The following LIPE variants were observed in gnomAD, a reference collection of about 807,000 sequenced individuals.
LIPE encodes the protein lipase E, hormone sensitive type, also known as hormone-sensitive lipase.
Under a neutral mutation model 88.5 loss-of-function variants are expected in LIPE, and 66 were observed. The ratio of observed to expected loss-of-function variants is 0.75; its 90% CI spans 0.61 to 0.91. The LOEUF (loss-of-function observed/expected upper bound fraction) is 0.91. LIPE is among the 40% of genes least tolerant of loss of function. The pLI, the probability that LIPE is intolerant of heterozygous loss-of-function variation, is 0.00. For missense variants in LIPE, 1,346 were observed against 1,434.7 expected (o/e 0.94, Z 1.00); for synonymous variants, 570 against 617.5 (o/e 0.92, Z 1.14).
intron 1 of LIPE, among the ~76,000 whole-genome samples, chr19:42,411,098 C>T (rs2040363550): frequency 6.6e-6 from 1 of 152,162 alleles, no homozygotes; most frequent in Non-Finnish European, 1.5e-5. Flanking sequence ...AGTTTGGGCC[C>T]TCAGCTCCCT....
intron 8 of LIPE, among the ~76,000 whole-genome samples, chr19:42,404,237 ATTT>A (rs752058205): frequency 3.0e-5 from 3 of 98,430 alleles, no homozygotes; most frequent in African/African-American, 7.8e-5. Flanking sequence ...TACTTTTTGT[ATTT>A]TTTTTTTTTT....
intron 1 of LIPE, among the ~76,000 whole-genome samples, chr19:42,416,421 A>T (rs1189946632): frequency 6.6e-6 from 1 of 152,210 alleles, no homozygotes; most frequent in Non-Finnish European, 1.5e-5. Flanking sequence ...TCTAGCTAAG[A>T]TCATTGATGA....
At chr19:42,405,631 A>G in intron 7 of LIPE, 70 bp from the exon 8 acceptor site, 1 of 1,471,272 alleles carries the variant, frequency 6.8e-7, no homozygotes, top group South Asian at 1.2e-5. Flanking sequence ...CCAGAACTTC[A>G]GGCATCTGTG....
At chr19:42,417,200 G>A (rs988161878) in intron 1 of LIPE, among the ~76,000 whole-genome samples, 2 of 152,162 alleles carry the variant, frequency 1.3e-5, no homozygotes, top group African/African-American at 4.8e-5. Context: ...GATTACAGGC[G>A]TGAGCCACTG....
Position 42,401,827 on chromosome 19 carries a change from G to T in LIPE, c.3216C>A (p.Cys1072Ter). ...ETGAAGVDGGCGGRH is the reference protein window; with the variant it reads ...ETGAAGVDGG ...CAACAGGCTTTTAGTGTCGCCCCCC[G>T]CAGCCCCCGTCTACCCCCGCAGCCC... is the stretch of plus-strand genomic sequence containing the variant. Residue 1072 changes from cysteine (C) to a stop codon, truncating the protein, a stop_gained, in exon 10 of 10, where the codon TGC becomes TGA. Transcript: ENST00000244289. LOFTEE classifies it high-confidence loss of function. 1.6e-5 allele frequency: 5 copies of T among 314,852 alleles called. No individual in the cohort carries two copies. Among genetic ancestry groups the T allele is most frequent in the East Asian group, 1.2e-4 (1 of 8,542 alleles). 19.5% of individuals were successfully genotyped at this position (314,852 alleles called of 1,614,324 possible).
rs778942752 is a variant in LIPE, at chr19:42,408,374, A to G, written c.1420-52T>C. Reference sequence around the variant, plus strand: ...CACCGCTCAAGAGAGGGATGGGGACAGGGCAGGAGCGAGGCACAGGGATGT... The same window carrying G: ...CACCGCTCAAGAGAGGGATGGGGACGGGGCAGGAGCGAGGCACAGGGATGT... On this transcript the variant is annotated intron_variant, in intron 2 of 9. Coordinates refer to ENST00000244289, the MANE Select transcript of LIPE (RefSeq NM_005357.4). The surrounding 1 kb of genome is among the most constrained non-coding windows in gnomAD (Gnocchi z 4.3). 6 of 1,456,856 alleles carry G rather than the reference A, an allele frequency of 4.1e-6. No homozygotes were observed. The highest frequency in any genetic ancestry group is 4.8e-6 in the Non-Finnish European group (5 of 1,037,884). The allele number at this position is 1,456,856 out of a possible 1,614,324, so 90.2% of individuals were successfully genotyped here.
chr19:42,426,354 A>C lies in LIPE; in HGVS notation c.796T>G (p.Ser266Ala). 3.1e-6 allele frequency: 5 copies of C among 1,613,288 alleles called. No individual in the cohort carries two copies. The South Asian group carries it at 5.5e-5, about 18-fold the overall frequency. Residue 266 changes from serine to alanine, a missense_variant, in exon 1 of 10, where the codon TCT (serine) becomes GCT (alanine). Coordinates refer to ENST00000244289, the MANE Select transcript of LIPE (RefSeq NM_005357.4). ...QGVKLGFKGK[S>A]GYKVMSGYSG... ...TATCCTGACATCACTTTATAACCAGATTTTCCTTTGAAGCCTAGCTTCACT... is the reference window on the plus strand; with the variant it reads ...TATCCTGACATCACTTTATAACCAGCTTTTCCTTTGAAGCCTAGCTTCACT...
At chr19:42,425,680 T>TG (rs2040694013) in intron 1 of LIPE, among the ~76,000 whole-genome samples, 1 of 152,054 alleles carries the variant, frequency 6.6e-6, no homozygotes, top group Admixed American at 6.6e-5. Context: ...GGCATGGTGG[T>TG]GCACTTGTAG....
chr19:42,402,469 C>A (rs751736066), intron 9 of LIPE, 138 bp downstream of exon 9: 11 of 727,898 alleles, frequency 1.5e-5, no homozygotes, highest in Admixed American at 7.7e-5. Context: ...GGGCATTGTT[C>A]TCCCCTGGGG....
chr19:42,411,774 C>T (rs776718401), intron 1 of LIPE, among the ~76,000 whole-genome samples: 5 of 152,178 alleles, frequency 3.3e-5, no homozygotes, highest in Admixed American at 1.3e-4. Flanking sequence ...CGGCCCTGCT[C>T]CCCTGCCTGG....
At chr19:42,424,173 C>G in intron 1 of LIPE, 3 of 1,118,916 alleles carry the variant, frequency 2.7e-6, no homozygotes, top group Non-Finnish European at 3.5e-6. Context: ...CCCTCTGTCT[C>G]CGCCCCCTAA....
intron 1 of LIPE, among the ~76,000 whole-genome samples, chr19:42,419,040 A>AGG (rs2040544543): frequency 6.6e-6 from 1 of 152,118 alleles, no homozygotes; most frequent in African/African-American, 2.4e-5. Flanking sequence ...CCACTTTGGG[A>AGG]GGCTGAGGCC....
chr19:42,421,811 G>A (rs190094935), intron 1 of LIPE, among the ~76,000 whole-genome samples: 5 of 152,332 alleles, frequency 3.3e-5, no homozygotes, highest in Admixed American at 3.3e-4. Flanking sequence ...GCTCCAGCCA[G>A]CCCAGATGCC....
At chr19:42,412,506 G>T in intron 1 of LIPE, 1 of 985,814 alleles carries the variant, frequency 1.0e-6, no homozygotes, top group Non-Finnish European at 1.2e-6. Context: ...CACCCAGAAA[G>T]ATCAGTGAGG....
chr19:42,405,628 T>G, intron 7 of LIPE, 67 bp from the exon 8 acceptor site: 4 of 1,477,252 alleles, frequency 2.7e-6, no homozygotes, highest in Non-Finnish European at 3.7e-6. Context: ...CGCCCAGAAC[T>G]TCAGGCATCT....
At position 42,405,367 on chromosome 19, in the gene LIPE, C is replaced by T. The variant is rs773198841; in HGVS notation, c.2542+18G>A. On this transcript the variant is annotated intron_variant, in intron 8 of 9. Transcript: ENST00000244289. ...CTGCCCACCCTGGCTGGGCATGTGA[C>T]GGGAGTGAATCACTCACCTGCTATG... The T allele has an allele frequency of 6.2e-6, 10 of 1,609,752 alleles. No individual in the cohort carries two copies. The East Asian group carries it at 1.1e-4, about 18-fold the overall frequency.
Position 42,426,476 on chromosome 19 carries a change from A to G in LIPE, c.674T>C (p.Leu225Pro), listed in dbSNP as rs150605899. Residue 225 changes from leucine to proline, a missense_variant, in exon 1 of 10, where the codon CTT becomes CCT. Transcript: ENST00000244289. The stretch of plus-strand genomic sequence containing the variant: ...CTCAGAATCTGTGACCCACTCAGAA[A>G]GTGCCTTCCACTCTAGGGCTGATCG... ...IQRSALEWKA[L>P]SEWVTDSESE... The G allele has an allele frequency of 8.2e-5, 133 of 1,613,988 alleles. No homozygotes were observed. The highest frequency in any genetic ancestry group is 1.1e-4 in the Non-Finnish European group (128 of 1,179,998).
Position 42,402,842 on chromosome 19 carries a change from A to T in LIPE, c.2732T>A (p.Phe911Tyr), listed in dbSNP as rs780095473. The stretch of plus-strand genomic sequence containing the variant: ...CCCTGCATCCTCAGGTGGTAATAAG[A>T]AGTTGACATCGGAGGGTGTGGAGGG... The part of the protein sequence containing the change: ...LSPSTPSDVN[F>Y]LLPPEDAGEE... The change falls in exon 9 of 10, where the codon TTC (phenylalanine) becomes TAC (tyrosine). Residue 911 changes from phenylalanine (F) to tyrosine (Y), a missense_variant. Transcript: ENST00000244289. 3.7e-6 allele frequency: 6 copies of T among 1,613,054 alleles called. No individual in the cohort carries two copies. The highest frequency in any genetic ancestry group is 5.1e-6 in the Non-Finnish European group (6 of 1,179,778).
At chr19:42,412,312 G>A (rs891642098) in intron 1 of LIPE, 2 of 985,554 alleles carry the variant, frequency 2.0e-6, no homozygotes, top group Non-Finnish European at 2.4e-6. Context: ...TCCCTTCTAG[G>A]TCCTGGGGCC....
Sources: gnomAD v4.1 joint callset for allele counts (sites outside exome capture counted in the v4.1 genomes callset) on GRCh38, gnomAD v4.1.1 for gene constraint, Gnocchi (gnomAD v3.1) non-coding constraint, MANE v1.5 for transcripts, NCBI Gene and HGNC (gene_info 2026-07-23, HGNC 2026-07-21) for gene names.